TRAPPC9: variants seen among roughly 807,000 people sequenced by gnomAD.
The protein encoded by TRAPPC9 is trafficking protein particle complex subunit 9, also known as IKK2 binding protein.
TRAPPC9 carries 83 observed loss-of-function variants against 124.0 expected under a neutral mutation model. The ratio of observed to expected loss-of-function variants is 0.67; its 90% CI spans 0.56 to 0.80. The LOEUF (loss-of-function observed/expected upper bound fraction) is 0.80. Among genes scored for constraint, TRAPPC9 ranks in the 30% least tolerant of loss-of-function variants. TRAPPC9 has a pLI of 0.00. For missense variants in TRAPPC9, 1,302 were observed against 1,508.3 expected, an observed-to-expected ratio of 0.86 and a Z score of 2.27; for synonymous variants, 638 against 617.5, an observed-to-expected ratio of 1.03 and a Z score of -0.49.
chr8:139,941,128 A>T (rs1833890466), intron 19 of TRAPPC9, among the ~76,000 whole-genome samples: 1 of 152,206 alleles, frequency 6.6e-6, no homozygotes, highest in South Asian at 2.1e-4. Flanking sequence ...GACACTGAAG[A>T]ACAGGGCAGC....
Position 139,981,412 on chromosome 8 carries a change from C to T in TRAPPC9, c.2810+7314G>A, listed in dbSNP as rs148439117. ...CCTCATTTCCTTTCAGATTGAAAAA[C>T]GAGGTACAAAGAAAATCCACGCAAA... On this transcript the variant is annotated intron_variant, in intron 19 of 22. Coordinates refer to ENST00000438773, the MANE Select transcript of TRAPPC9 (RefSeq NM_001160372.4). Among the ~76,000 whole-genome samples, 519 of 152,236 alleles carry T rather than the reference C, an allele frequency of 3.4e-3. 2 individuals carry two copies. Among genetic ancestry groups the T allele is most frequent in the African/African-American group, 0.012 (478 of 41,548 alleles).
intron 21 of TRAPPC9, among the ~76,000 whole-genome samples, chr8:139,823,687 G>T (rs1209104302): frequency 6.6e-6 from 1 of 152,246 alleles, no homozygotes; most frequent in East Asian, 1.9e-4. Flanking sequence ...GACGGACAGT[G>T]TTCCTGGGAA....
chr8:139,951,088 G>A (rs757001046), intron 19 of TRAPPC9, among the ~76,000 whole-genome samples: 4 of 152,120 alleles, frequency 2.6e-5, no homozygotes, highest in Non-Finnish European at 4.4e-5. Context: ...GCCTGGTTAC[G>A]CCACCTCTCT....
chr8:139,839,965 C>T (rs1826621689), intron 21 of TRAPPC9, among the ~76,000 whole-genome samples: 2 of 152,232 alleles, frequency 1.3e-5, no homozygotes, highest in Non-Finnish European at 1.5e-5. Flanking sequence ...GAAACCCTGG[C>T]TATTAACAAT....
At chr8:140,050,597 C>T (rs754279139) in intron 17 of TRAPPC9, among the ~76,000 whole-genome samples, 2 of 152,126 alleles carry the variant, frequency 1.3e-5, no homozygotes, top group African/African-American at 4.8e-5. Context: ...GGTCCCCTGA[C>T]GGAGGCACAC....
At chr8:140,458,200 G>C, upstream of TRAPPC9, 6 of 1,549,954 alleles carry the variant, frequency 3.9e-6, no homozygotes, top group Middle Eastern at 2.1e-4. Context: ...ACCGGAGCAA[G>C]AGAACAGAGA....
chr8:140,082,975 A>G (rs531291471), intron 17 of TRAPPC9, among the ~76,000 whole-genome samples: 1 of 152,280 alleles, frequency 6.6e-6, no homozygotes, highest in South Asian at 2.1e-4. Context: ...CAGGTGGATC[A>G]CAAGGTCAAG....
intron 17 of TRAPPC9, among the ~76,000 whole-genome samples, chr8:140,119,185 C>A (rs940860213): frequency 6.6e-6 from 1 of 152,238 alleles, no homozygotes; most frequent in African/African-American, 2.4e-5. Context: ...GCCAGCCAAA[C>A]CACGCCAGGC....
intron 15 of TRAPPC9, among the ~76,000 whole-genome samples, chr8:140,267,873 G>A (rs1299180337): frequency 2.6e-5 from 4 of 152,094 alleles, no homozygotes; most frequent in Non-Finnish European, 5.9e-5. Flanking sequence ...TCACCATATT[G>A]GCCAGGCTGG....
intron 17 of TRAPPC9, among the ~76,000 whole-genome samples, chr8:140,033,538 A>G (rs1471343491): frequency 1.3e-5 from 2 of 152,142 alleles, no homozygotes; most frequent in African/African-American, 4.8e-5. Flanking sequence ...AAGGAAAAAA[A>G]AAATTCATTT....
At chr8:139,799,331 C>A (rs1351066721) in intron 21 of TRAPPC9, among the ~76,000 whole-genome samples, 1 of 152,124 alleles carries the variant, frequency 6.6e-6, no homozygotes, top group African/African-American at 2.4e-5. Flanking sequence ...CCACCCCAAC[C>A]TTTTTTGCAC....
At chr8:139,836,426 A>G (rs1826353261) in intron 21 of TRAPPC9, among the ~76,000 whole-genome samples, 1 of 150,410 alleles carries the variant, frequency 6.6e-6, no homozygotes, top group South Asian at 2.1e-4. Flanking sequence ...AATTCTCCCC[A>G]GGGGCAAGTG....
chr8:140,132,445 G>T (rs924275681), intron 17 of TRAPPC9, among the ~76,000 whole-genome samples: 1 of 152,156 alleles, frequency 6.6e-6, no homozygotes, highest in Admixed American at 6.5e-5. Context: ...CTCAGCCTCA[G>T]TAGATTGCCA....
At chr8:140,138,492 C>T (rs1299522911) in intron 17 of TRAPPC9, among the ~76,000 whole-genome samples, 1 of 152,076 alleles carries the variant, frequency 6.6e-6, no homozygotes, top group African/African-American at 2.4e-5. Flanking sequence ...AGCGTCTTTG[C>T]CAGTTCTGTT....
At chr8:139,761,930 C>G (rs1041722931) in intron 21 of TRAPPC9, among the ~76,000 whole-genome samples, 1 of 151,712 alleles carries the variant, frequency 6.6e-6, no homozygotes, top group Non-Finnish European at 1.5e-5. Flanking sequence ...GTGCTCAGTT[C>G]AGAAGAAGAT....
chr8:140,383,383 C>T lies in TRAPPC9; in HGVS notation c.1135-12203G>A, dbSNP rs143663822. ...CTTCTCCAAGCTAAAGGAGGAAGTT[C>T]GAACCCATTGCAAAGAACTTAAACA... On this transcript the variant is annotated intron_variant, in intron 7 of 22. Coordinates refer to ENST00000438773, the MANE Select transcript of TRAPPC9 (RefSeq NM_001160372.4). 7.6e-3 allele frequency among the ~76,000 whole-genome samples: 1,155 copies of T among 152,228 alleles called. 13 individuals are homozygous for T. Among genetic ancestry groups the T allele is most frequent in the African/African-American group, 0.027 (1,105 of 41,536 alleles).
At chr8:140,268,703 G>A (rs1040811554) in intron 15 of TRAPPC9, among the ~76,000 whole-genome samples, 4 of 152,148 alleles carry the variant, frequency 2.6e-5, no homozygotes, top group African/African-American at 9.7e-5. Context: ...GTGGCCCTAT[G>A]TGCCCTGCGC....
chr8:140,132,792 C>CGGAGGAGGA (rs56024663), intron 17 of TRAPPC9, among the ~76,000 whole-genome samples: 493 of 150,326 alleles, frequency 3.3e-3, no homozygotes, highest in African/African-American at 0.011. Context: ...GAGGCCAAGT[C>CGGAGGAGGA]GGAGGAGGAG....
intron 1 of TRAPPC9, among the ~76,000 whole-genome samples, chr8:140,452,272 T>A (rs2071491104): frequency 6.6e-6 from 1 of 151,018 alleles, no homozygotes; most frequent in African/African-American, 2.4e-5. Context: ...TACAAAAAAT[T>A]AGCCCGGCGT....
Sources: gnomAD v4.1 joint callset for allele counts (sites outside exome capture counted in the v4.1 genomes callset) on GRCh38, gnomAD v4.1.1 for gene constraint, MANE v1.5 for transcripts, NCBI Gene and HGNC (gene_info 2026-07-23, HGNC 2026-07-21) for gene names.